ARHGAP35: variants seen among roughly 807,000 people sequenced by gnomAD.
The protein encoded by ARHGAP35 is Rho GTPase activating protein 35, also known as rho GTPase-activating protein 35.
Under a neutral mutation model 111.1 loss-of-function variants are expected in ARHGAP35, and 15 were observed. That is an observed-to-expected ratio of 0.13 (90% CI 0.09 to 0.21). The LOEUF is 0.21. ARHGAP35 is among the 10% of genes least tolerant of loss of function. ARHGAP35 has a pLI of 1.00. For missense variants in ARHGAP35, 1,262 were observed against 1,873.0 expected (o/e 0.67, Z 6.02); for synonymous variants, 643 against 710.3 (o/e 0.91, Z 1.51).
intron 1 of ARHGAP35, among the ~76,000 whole-genome samples, chr19:46,897,242 TG>T (rs2056062393): frequency 6.6e-6 from 1 of 152,140 alleles, no homozygotes; most frequent in African/African-American, 2.4e-5. Flanking sequence ...CAACAACTGA[TG>T]GCCCATTTTC....
At chr19:46,957,803 G>A (rs2056449415) in intron 3 of ARHGAP35, among the ~76,000 whole-genome samples, 1 of 152,206 alleles carries the variant, frequency 6.6e-6, no homozygotes, top group Admixed American at 6.5e-5. Flanking sequence ...CAATGAGGAT[G>A]TTTAATGAGC....
intron 3 of ARHGAP35, among the ~76,000 whole-genome samples, chr19:46,960,110 C>CAAAA (rs1034379133): frequency 8.7e-5 from 5 of 57,478 alleles, no homozygotes; most frequent in South Asian, 4.8e-4. Flanking sequence ...ACCTGTCTCA[C>CAAAA]AAAAAAAAAA....
At chr19:46,941,385 C>T (rs1022723774) in intron 3 of ARHGAP35, among the ~76,000 whole-genome samples, 4 of 151,838 alleles carry the variant, frequency 2.6e-5, no homozygotes, top group East Asian at 2.0e-4. Context: ...CCCTAGAGCC[C>T]GATACAGCAT....
Position 46,918,164 on chromosome 19 carries a change from A to G in ARHGAP35, c.-188-324A>G, listed in dbSNP as rs568209648. Among the ~76,000 whole-genome samples the G allele has an allele frequency of 2.6e-5, 4 of 152,284 alleles. No individual in the cohort carries two copies. Among genetic ancestry groups the G allele is most frequent in the Non-Finnish European group, 5.9e-5 (4 of 68,024 alleles). On this transcript the variant is annotated intron_variant, in intron 1 of 6. Transcript: ENST00000672722. This position sits in a 1 kb window ranked among gnomAD's most constrained non-coding sequence, Gnocchi z 5.4. ...TCCATCGTTTTTTTTCTTGCATAAA[A>G]AGATGTTCCAGGCTCATTTTGTCCC... is the stretch of plus-strand genomic sequence containing the variant.
chr19:46,889,381 C>A (rs886698428), intron 1 of ARHGAP35, among the ~76,000 whole-genome samples: 4 of 151,228 alleles, frequency 2.6e-5, no homozygotes, highest in African/African-American at 4.9e-5. Flanking sequence ...ATCCCTTGAA[C>A]CTGGGAGGTG....
In ARHGAP35 at chr19:46,990,657, T is replaced by TA. The variant is rs996076769; in HGVS notation, c.4036+985dup. 1.2e-3 allele frequency among the ~76,000 whole-genome samples: 186 copies of TA among 152,298 alleles called. 1 individual carries two copies. The highest frequency in any genetic ancestry group is 4.2e-3 in the African/African-American group (174 of 41,554). Reference sequence around the variant, plus strand: ...GTCTCATCTTGTCACTGCCCACCTCTAAAGAGGGAGCTTTAAACAAGCACA... The same window carrying TA: ...GTCTCATCTTGTCACTGCCCACCTCTAAAAGAGGGAGCTTTAAACAAGCACA... On this transcript the variant is annotated intron_variant, in intron 5 of 6. Transcript: ENST00000672722.
rs1014484978 is a variant in ARHGAP35, at chr19:46,945,241, A to C, written c.3826+7833A>C. 6.6e-6 allele frequency among the ~76,000 whole-genome samples: 1 copy of C among 152,022 alleles called. No individual in the cohort carries two copies. Among genetic ancestry groups the C allele is most frequent in the African/African-American group, 2.4e-5 (1 of 41,384 alleles). ...AGACTAACTTTCTATTTCTAGCTTG[A>C]ATGCTTTTTTTCCTCCAGTTTTCAT... On this transcript the variant is annotated intron_variant, in intron 3 of 6. Transcript: ENST00000672722. This position sits in a 1 kb window ranked among gnomAD's most constrained non-coding sequence, Gnocchi z 4.1.
intron 1 of ARHGAP35, among the ~76,000 whole-genome samples, chr19:46,861,900 C>T (rs1009176567): frequency 7.7e-6 from 1 of 129,262 alleles, no homozygotes; most frequent in South Asian, 2.4e-4. Flanking sequence ...GAATCCCGTT[C>T]CCTCGTGGGC....
intron 1 of ARHGAP35, among the ~76,000 whole-genome samples, chr19:46,867,774 T>C (rs2055866450): frequency 6.6e-6 from 1 of 151,840 alleles, no homozygotes; most frequent in Non-Finnish European, 1.5e-5. Flanking sequence ...GTTGTTGTTG[T>C]TGTTTTTTTT....
At position 47,000,532 on chromosome 19, in the gene ARHGAP35, G is replaced by A; in HGVS notation, c.4344G>A (p.Arg1448=). The change falls in exon 7 of 7, where the codon AGG becomes AGA. Residue 1448 remains arginine (R), a synonymous_variant. Transcript: ENST00000672722. This position sits in a 1 kb window ranked among gnomAD's most constrained non-coding sequence, Gnocchi z 6.9. ...CCATCACCGAGCCCCCCGGCGCCAG[G>A]CCCAGCTCCCCCTCTGCCGTGGCTT... ...NRPITEPPGA[R]PSSPSAVAST... 1.2e-6 allele frequency: 2 copies of A among 1,613,184 alleles called. No individual in the cohort carries two copies. Among genetic ancestry groups the A allele is most frequent in the Non-Finnish European group, 1.7e-6 (2 of 1,179,786 alleles).
At chr19:46,956,439 A>G (rs1193812591) in intron 3 of ARHGAP35, among the ~76,000 whole-genome samples, 44 of 122,510 alleles carry the variant, frequency 3.6e-4, no homozygotes, top group African/African-American at 1.1e-3. Context: ...TTTTTTTTGG[A>G]GAGGGAGTCT....
chr19:46,862,054 C>T (rs2055831930), intron 1 of ARHGAP35, among the ~76,000 whole-genome samples: 1 of 152,180 alleles, frequency 6.6e-6, no homozygotes, highest in South Asian at 2.1e-4. Context: ...GCCTGTTCCC[C>T]TTCTCAGCTC....
chr19:46,896,467 A>T (rs2056056922), intron 1 of ARHGAP35, among the ~76,000 whole-genome samples: 1 of 152,252 alleles, frequency 6.6e-6, no homozygotes, highest in African/African-American at 2.4e-5. Flanking sequence ...GAAATATATT[A>T]TGAAGTTTTG....
chr19:46,956,638 C>G (rs2056440866), intron 3 of ARHGAP35, among the ~76,000 whole-genome samples: 1 of 152,080 alleles, frequency 6.6e-6, no homozygotes, highest in Admixed American at 6.5e-5. Context: ...TTCTGAAACA[C>G]TTCTGGTCCC....
rs780607789 is a variant in ARHGAP35 at position 46,999,388 on chromosome 19, A to G, written c.4121A>G (p.Tyr1374Cys). 1 of 1,587,232 alleles carries G rather than the reference A, an allele frequency of 6.3e-7. No homozygotes were observed. The highest frequency in any genetic ancestry group is 8.6e-7 in the Non-Finnish European group (1 of 1,166,534). The change falls in exon 6 of 7, where the codon TAT becomes TGT. Residue 1374 changes from tyrosine to cysteine, a missense_variant. Around this residue, in one of 8 missense-constraint regions of ARHGAP35, gnomAD observed 50 missense variants for 60.5 expected, o/e 0.83. Transcript: ENST00000672722. This position sits in a 1 kb window ranked among gnomAD's most constrained non-coding sequence, Gnocchi z 5.4. ...FPKENHEVFK[Y>C]VISHLNKVSH... ...AAGGAAAACCACGAAGTCTTCAAGTATGTCATCTCTCACCTAAACAAGTAA... is the reference window on the plus strand; with the variant it reads ...AAGGAAAACCACGAAGTCTTCAAGTGTGTCATCTCTCACCTAAACAAGTAA...
intron 2 of ARHGAP35, among the ~76,000 whole-genome samples, chr19:46,927,999 C>G (rs1212023437): frequency 1.3e-5 from 2 of 152,106 alleles, no homozygotes; most frequent in Admixed American, 1.3e-4. Context: ...CCTCACTGCC[C>G]CCCAGAACAG....
At chr19:46,927,549 G>A (rs1436884946) in intron 2 of ARHGAP35, among the ~76,000 whole-genome samples, 1 of 152,198 alleles carries the variant, frequency 6.6e-6, no homozygotes, top group African/African-American at 2.4e-5. Flanking sequence ...AGCTTAGCGT[G>A]GCTGCTCTGG....
chr19:46,894,755 G>C (rs2122158033), intron 1 of ARHGAP35, among the ~76,000 whole-genome samples: 1 of 152,164 alleles, frequency 6.6e-6, no homozygotes, highest in Admixed American at 6.5e-5. Context: ...CATACTTTTA[G>C]TGAAAGGAAA....
chr19:46,999,415 T>A lies in ARHGAP35; in HGVS notation c.4142+6T>A. 1 of 1,555,166 alleles carries A rather than the reference T, an allele frequency of 6.4e-7. No homozygotes were observed. Among genetic ancestry groups the A allele is most frequent in the Non-Finnish European group, 8.7e-7 (1 of 1,144,096 alleles). On this transcript the variant is annotated splice_donor_region_variant and intron_variant, in intron 6 of 6. Transcript: ENST00000672722. This position sits in a 1 kb window ranked among gnomAD's most constrained non-coding sequence, Gnocchi z 5.4. ...GTCATCTCTCACCTAAACAAGTAAG[T>A]CGCAGGGCCTTCTGGTTGGTTTTTC...
Sources: allele counts gnomAD v4.1 joint callset (sites outside exome capture counted in the v4.1 genomes callset), GRCh38; gene constraint gnomAD v4.1.1; regional missense constraint gnomAD v4.1.1; non-coding constraint Gnocchi (gnomAD v3.1); transcripts MANE v1.5; gene names NCBI Gene and HGNC (gene_info 2026-07-23, HGNC 2026-07-21).